The following PRIMA1 variants were observed in gnomAD, a reference collection of about 807,000 sequenced individuals.
PRIMA1 encodes the protein proline rich membrane anchor 1.
A neutral mutation model predicts 17.5 loss-of-function variants in PRIMA1; 7 were observed. That is an observed-to-expected ratio of 0.40 (90% CI 0.23 to 0.75). The LOEUF is 0.75. PRIMA1 is among the 30% of genes least tolerant of loss of function. The pLI, the probability that PRIMA1 is intolerant of heterozygous loss-of-function variation, is 0.37. For missense variants in PRIMA1, 200 were observed against 201.8 expected (o/e 0.99, Z 0.05); for synonymous variants, 97 against 77.9 (o/e 1.25, Z -1.29).
In PRIMA1 at chr14:93,777,237, G is replaced by A. The variant is rs1325594925; in HGVS notation, c.229+1939C>T. Among the ~76,000 whole-genome samples the A allele has an allele frequency of 2.0e-5, 3 of 152,176 alleles. No individual in the cohort carries two copies. In the East Asian group the frequency reaches 5.8e-4, roughly 29 times the overall value. Reference sequence around the variant, plus strand: ...CCACTGAAGGGCTTGTGACTCTCAAGAGGAGTCTCACAGAGCCATACCTCC... The same window carrying A: ...CCACTGAAGGGCTTGTGACTCTCAAAAGGAGTCTCACAGAGCCATACCTCC... On this transcript the variant is annotated intron_variant, in intron 3 of 4. Coordinates refer to ENST00000393140, the MANE Select transcript of PRIMA1 (RefSeq NM_178013.4).
intron 3 of PRIMA1, among the ~76,000 whole-genome samples, chr14:93,745,818 G>A (rs1293942713): frequency 1.3e-5 from 2 of 152,222 alleles, no homozygotes; most frequent in African/African-American, 4.8e-5. Flanking sequence ...GAAGTACCAG[G>A]AGTTAAAATC....
intron 3 of PRIMA1, among the ~76,000 whole-genome samples, chr14:93,753,708 G>C (rs1050879832): frequency 3.3e-5 from 5 of 152,196 alleles, no homozygotes; most frequent in African/African-American, 1.2e-4. Context: ...ACCCACCCTT[G>C]CCTAAGTGGA....
intron 3 of PRIMA1, among the ~76,000 whole-genome samples, chr14:93,753,132 C>T (rs892417965): frequency 6.6e-6 from 1 of 152,120 alleles, no homozygotes; most frequent in Non-Finnish European, 1.5e-5. Context: ...AACACAGGCA[C>T]AGCCAACAGT....
intron 4 of PRIMA1, among the ~76,000 whole-genome samples, chr14:93,728,785 G>A (rs1303957627): frequency 6.6e-6 from 1 of 152,168 alleles, no homozygotes; most frequent in Non-Finnish European, 1.5e-5. Context: ...GTCCATGACT[G>A]TCCACGGTGC....
In PRIMA1 at chr14:93,726,641, C is replaced by T. The variant is rs1026175288; in HGVS notation, c.360-5095G>A. Among the ~76,000 whole-genome samples the T allele has an allele frequency of 6.6e-6, 1 of 152,036 alleles. No homozygotes were observed. The highest frequency in any genetic ancestry group is 1.5e-5 in the Non-Finnish European group (1 of 67,990). Reference sequence around the variant, plus strand: ...ACACATAGACACATGTACACATGCACAAATCCACACACACATACAATATAC... The same window carrying T: ...ACACATAGACACATGTACACATGCATAAATCCACACACACATACAATATAC... On this transcript the variant is annotated intron_variant, in intron 4 of 4. Transcript: ENST00000393140. The surrounding 1 kb of genome is among the most constrained non-coding windows in gnomAD (Gnocchi z 4.2).
chr14:93,763,270 ACT>A (rs1290536293), intron 3 of PRIMA1, among the ~76,000 whole-genome samples: 2 of 151,898 alleles, frequency 1.3e-5, no homozygotes, highest in African/African-American at 4.8e-5. Context: ...CATCCCGGGG[ACT>A]CTGCCTCTAA....
At chr14:93,764,997 G>C (rs947872479) in intron 3 of PRIMA1, among the ~76,000 whole-genome samples, 48 of 152,266 alleles carry the variant, frequency 3.2e-4, no homozygotes, top group African/African-American at 1.1e-3. Context: ...GCTCCTGGGG[G>C]AATTGAGCTG....
At chr14:93,746,110 G>A (rs1595201823) in intron 3 of PRIMA1, among the ~76,000 whole-genome samples, 1 of 152,186 alleles carries the variant, frequency 6.6e-6, no homozygotes, top group East Asian at 1.9e-4. Flanking sequence ...TTCAGGGGTC[G>A]CAGCCGGGCC....
chr14:93,765,714 TC>T (rs887904939), intron 3 of PRIMA1, among the ~76,000 whole-genome samples: 5 of 152,008 alleles, frequency 3.3e-5, no homozygotes, highest in Non-Finnish European at 5.9e-5. Context: ...GTGATAAGTA[TC>T]CTTGCTTCAA....
At chr14:93,731,198 G>A (rs1461908743) in intron 4 of PRIMA1, among the ~76,000 whole-genome samples, 1 of 105,664 alleles carries the variant, frequency 9.5e-6, no homozygotes, top group Non-Finnish European at 2.2e-5. Context: ...ATTCTAGGTG[G>A]AGAATGAGAA....
intron 3 of PRIMA1, among the ~76,000 whole-genome samples, chr14:93,754,395 T>C (rs1427404147): frequency 6.9e-6 from 1 of 144,860 alleles, no homozygotes; most frequent in African/African-American, 2.5e-5. Flanking sequence ...AGTGCCTTGG[T>C]CCAGCATAAA....
chr14:93,756,322 C>G lies in PRIMA1; in HGVS notation c.230-18952G>C, dbSNP rs1047188673. 2.0e-5 allele frequency among the ~76,000 whole-genome samples: 3 copies of G among 152,238 alleles called. No homozygotes were observed. The East Asian group carries it at 5.8e-4, about 29-fold the overall frequency. On this transcript the variant is annotated intron_variant, in intron 3 of 4. Transcript: ENST00000393140. Reference sequence around the variant, plus strand: ...CTGCTGGACTTCTGAGGGGCAGTGGCCCAGGCTGTGGCCTCAGACATGGAT... The same window carrying G: ...CTGCTGGACTTCTGAGGGGCAGTGGGCCAGGCTGTGGCCTCAGACATGGAT...
chr14:93,757,199 A>AAAGG (rs113474280), intron 3 of PRIMA1, among the ~76,000 whole-genome samples: 6,978 of 151,082 alleles, frequency 0.046, 224 homozygotes, highest in Non-Finnish European at 0.056. Context: ...GGGTTTAAAA[A>AAAGG]AAGGAAGGAA....
At position 93,726,563 on chromosome 14, in the gene PRIMA1, T is replaced by C. The variant is rs373774438; in HGVS notation, c.360-5017A>G. On this transcript the variant is annotated intron_variant, in intron 4 of 4. Coordinates refer to ENST00000393140, the MANE Select transcript of PRIMA1 (RefSeq NM_178013.4). This position sits in a 1 kb window ranked among gnomAD's most constrained non-coding sequence, Gnocchi z 4.2. ...ACATGTACACATGCACAAATCCACA[T>C]ACACACACACTATACACATACACAT... 2.7e-5 allele frequency among the ~76,000 whole-genome samples: 4 copies of C among 150,264 alleles called. No homozygotes were observed. Among genetic ancestry groups the C allele is most frequent in the African/African-American group, 7.3e-5 (3 of 40,834 alleles).
Position 93,750,991 on chromosome 14 carries a change from C to T in PRIMA1, c.230-13621G>A, listed in dbSNP as rs535359823. Among the ~76,000 whole-genome samples the T allele has an allele frequency of 2.2e-4, 33 of 152,262 alleles. No homozygotes were observed. In the South Asian group the frequency reaches 6.4e-3, roughly 30 times the overall value. ...GCCACACCATACCCACTAAGAAACC[C>T]CCAGACAAAGCACTTACATTTTACA... On this transcript the variant is annotated intron_variant, in intron 3 of 4. Transcript: ENST00000393140.
intron 4 of PRIMA1, among the ~76,000 whole-genome samples, chr14:93,728,451 C>T (rs533611239): frequency 1.3e-5 from 2 of 152,190 alleles, no homozygotes; most frequent in South Asian, 2.1e-4. Flanking sequence ...GCTGGAGAGT[C>T]CTGAGCGAGG....
At chr14:93,730,881 G>C (rs1481903494) in intron 4 of PRIMA1, among the ~76,000 whole-genome samples, 3 of 152,332 alleles carry the variant, frequency 2.0e-5, no homozygotes, top group African/African-American at 7.2e-5. Context: ...GGGAGGGAGA[G>C]AGCTGAGGGT....
At chr14:93,757,048 G>A (rs1009595928) in intron 3 of PRIMA1, among the ~76,000 whole-genome samples, 6 of 152,170 alleles carry the variant, frequency 3.9e-5, no homozygotes, top group Admixed American at 2.6e-4. Context: ...TGGCCTTTGC[G>A]AAATATTTCT....
chr14:93,745,893 G>A (rs1459725697), intron 3 of PRIMA1, among the ~76,000 whole-genome samples: 2 of 152,212 alleles, frequency 1.3e-5, no homozygotes, highest in Admixed American at 1.3e-4. Flanking sequence ...TCCACTGTAA[G>A]TCGGGGGAAG....
Sources: gnomAD v4.1 joint callset for allele counts (sites outside exome capture counted in the v4.1 genomes callset) on GRCh38, gnomAD v4.1.1 for gene constraint, Gnocchi (gnomAD v3.1) non-coding constraint, MANE v1.5 for transcripts, NCBI Gene and HGNC (gene_info 2026-07-23, HGNC 2026-07-21) for gene names.